The following CADPS2 variants were observed in gnomAD, a reference collection of about 807,000 sequenced individuals.
CADPS2 encodes the protein calcium-dependent secretion activator 2.
In CADPS2, 93 loss-of-function variants were observed where a neutral mutation model predicts 172.5. That is an observed-to-expected ratio of 0.54 (90% CI 0.46 to 0.64). CADPS2 has a LOEUF of 0.64. Among genes scored for constraint, CADPS2 ranks in the 30% least tolerant of loss-of-function variants. The pLI is 0.00. For missense variants in CADPS2, 1,420 were observed against 1,565.9 expected, an observed-to-expected ratio of 0.91 and a Z score of 1.57; for synonymous variants, 546 against 555.2, an observed-to-expected ratio of 0.98 and a Z score of 0.23.
intron 1 of CADPS2, among the ~76,000 whole-genome samples, chr7:122,790,231 T>C (rs909599852): frequency 5.3e-5 from 8 of 151,576 alleles, no homozygotes; most frequent in Non-Finnish European, 8.8e-5. Context: ...TCCCTGTGTC[T>C]ACAGAAAAAT....
At chr7:122,591,643 A>C (rs2070825928) in intron 6 of CADPS2, among the ~76,000 whole-genome samples, 1 of 152,162 alleles carries the variant, frequency 6.6e-6, no homozygotes, top group Non-Finnish European at 1.5e-5. Flanking sequence ...ACAGAGATAT[A>C]GACCAATGGA....
chr7:122,831,018 T>C (rs904816706), intron 1 of CADPS2, among the ~76,000 whole-genome samples: 6 of 152,090 alleles, frequency 3.9e-5, no homozygotes, highest in African/African-American at 1.4e-4. Flanking sequence ...TTAAATTTAA[T>C]GGAGAAATTA....
At chr7:122,647,493 A>T (rs1229862216) in intron 3 of CADPS2, among the ~76,000 whole-genome samples, 1 of 152,206 alleles carries the variant, frequency 6.6e-6, no homozygotes, top group Non-Finnish European at 1.5e-5. Context: ...GCCAGTTTGT[A>T]ACAAAAAGCT....
At chr7:122,530,156 T>C (rs1411585224) in intron 8 of CADPS2, among the ~76,000 whole-genome samples, 1 of 152,080 alleles carries the variant, frequency 6.6e-6, no homozygotes, top group Non-Finnish European at 1.5e-5. Context: ...CAAGACAGAC[T>C]TTCAGACAGA....
intron 1 of CADPS2, among the ~76,000 whole-genome samples, chr7:122,802,845 G>C (rs2139992849): frequency 6.6e-6 from 1 of 152,242 alleles, no homozygotes; most frequent in Non-Finnish European, 1.5e-5. Context: ...AGAACAATTA[G>C]GGACAGGAAT....
intron 1 of CADPS2, among the ~76,000 whole-genome samples, chr7:122,885,316 T>A (rs1194981077): frequency 6.6e-6 from 1 of 152,052 alleles, no homozygotes; most frequent in Non-Finnish European, 1.5e-5. Context: ...TATGAAGTGA[T>A]CATGCACCAA....
intron 2 of CADPS2, among the ~76,000 whole-genome samples, chr7:122,720,346 T>A (rs1442888205): frequency 1.3e-5 from 2 of 151,876 alleles, no homozygotes; most frequent in African/African-American, 4.8e-5. Flanking sequence ...TAATTGTATA[T>A]TCTTAAATAT....
At chr7:122,852,506 T>C (rs1023973090) in intron 1 of CADPS2, among the ~76,000 whole-genome samples, 2 of 152,074 alleles carry the variant, frequency 1.3e-5, no homozygotes, top group African/African-American at 4.8e-5. Context: ...GGGCAGGGTG[T>C]GGTAGCAACT....
chr7:122,395,528 A>ATAGC (rs781575254), intron 20 of CADPS2: 6 of 152,228 alleles, frequency 3.9e-5, no homozygotes, highest in Non-Finnish European at 7.3e-5. Context: ...AGAAGGTACT[A>ATAGC]TAGCTCAAAT....
intron 1 of CADPS2, among the ~76,000 whole-genome samples, chr7:122,801,136 A>G (rs1163561485): frequency 6.6e-6 from 1 of 152,236 alleles, no homozygotes; most frequent in Admixed American, 6.5e-5. Flanking sequence ...TAGAAATGCT[A>G]TAAGCCAAAG....
At chr7:122,805,346 G>A (rs1286020655) in intron 1 of CADPS2, among the ~76,000 whole-genome samples, 1 of 152,154 alleles carries the variant, frequency 6.6e-6, no homozygotes, top group Non-Finnish European at 1.5e-5. Flanking sequence ...TTTTAGTAGA[G>A]ATGGGTTTTC....
chr7:122,420,307 T>C (rs2048394325), intron 17 of CADPS2, among the ~76,000 whole-genome samples: 1 of 152,204 alleles, frequency 6.6e-6, no homozygotes, highest in Admixed American at 6.5e-5. Flanking sequence ...CTATTACATG[T>C]GACACTATCT....
At chr7:122,564,980 G>C in intron 7 of CADPS2, among the ~76,000 whole-genome samples, 1 of 151,974 alleles carries the variant, frequency 6.6e-6, no homozygotes, top group East Asian at 1.9e-4. Flanking sequence ...GAAACAGAAA[G>C]TCAAATACAG....
chr7:122,509,331 C>T (rs1461996819), intron 9 of CADPS2, among the ~76,000 whole-genome samples: 3 of 152,130 alleles, frequency 2.0e-5, no homozygotes, highest in Admixed American at 1.3e-4. Context: ...GTTTACATCC[C>T]GTGCCAACTC....
intron 2 of CADPS2, among the ~76,000 whole-genome samples, chr7:122,714,089 G>C (rs1457276061): frequency 6.6e-6 from 1 of 152,038 alleles, no homozygotes; most frequent in Non-Finnish European, 1.5e-5. Flanking sequence ...GAAAAGAGGA[G>C]GTTACCATGA....
chr7:122,372,745 G>A (rs572556550), intron 25 of CADPS2, among the ~76,000 whole-genome samples: 1 of 152,290 alleles, frequency 6.6e-6, no homozygotes, highest in South Asian at 2.1e-4. Flanking sequence ...CTTAGAATTT[G>A]ACAGTGTAGT....
At chr7:122,560,790 G>C (rs1488136036) in intron 7 of CADPS2, among the ~76,000 whole-genome samples, 1 of 152,152 alleles carries the variant, frequency 6.6e-6, no homozygotes, top group Admixed American at 6.6e-5. Context: ...CATAAAGACA[G>C]TCTCTAGCAA....
intron 3 of CADPS2, among the ~76,000 whole-genome samples, chr7:122,659,001 A>G (rs1381125265): frequency 6.6e-6 from 1 of 152,056 alleles, no homozygotes; most frequent in Non-Finnish European, 1.5e-5. Context: ...ATTAACATAA[A>G]TATTTATATG....
chr7:122,615,348 GC>G, intron 5 of CADPS2, 49 bp from the exon 6 acceptor site: 2 of 1,234,674 alleles, frequency 1.6e-6, no homozygotes, highest in Non-Finnish European at 2.3e-6. Flanking sequence ...ATAACATTTA[GC>G]AATATACATA....
Sources: gnomAD v4.1 joint callset for allele counts (sites outside exome capture counted in the v4.1 genomes callset) on GRCh38, gnomAD v4.1.1 for gene constraint, MANE v1.5 for transcripts, NCBI Gene and HGNC (gene_info 2026-07-23, HGNC 2026-07-21) for gene names.